Variants in WASF3 observed in about 807,000 individuals in gnomAD.
The protein encoded by WASF3 is actin-binding protein WASF3.
A neutral mutation model predicts 46.6 loss-of-function variants in WASF3; 11 were observed. That is an observed-to-expected ratio of 0.24 (90% confidence interval 0.15 to 0.39). The LOEUF is 0.39. Among genes scored for constraint, WASF3 ranks in the 10% least tolerant of loss-of-function variants. The pLI is 1.00. For synonymous variants in WASF3, 242 were observed against 259.7 expected (o/e 0.93, Z 0.65); for missense variants, 576 against 669.8 (o/e 0.86, Z 1.55).
intron 1 of WASF3, among the ~76,000 whole-genome samples, chr13:26,606,336 GT>G (rs2137211846): frequency 1.3e-5 from 2 of 148,736 alleles, no homozygotes; most frequent in South Asian, 4.3e-4. Flanking sequence ...GTGTGTGTGT[GT>G]GTGTGTGTGT....
intron 1 of WASF3, among the ~76,000 whole-genome samples, chr13:26,583,126 A>G (rs507153): frequency 0.84 from 128,417 of 152,156 alleles, 54,221 homozygotes; most frequent in East Asian, 0.9. Context: ...GATAGCATCT[A>G]TCACTTTTGA....
intron 1 of WASF3, among the ~76,000 whole-genome samples, chr13:26,583,119 A>G (rs1480527157): frequency 6.6e-6 from 1 of 152,208 alleles, no homozygotes; most frequent in African/African-American, 2.4e-5. Context: ...TACTGTGGAT[A>G]GCATCTATCA....
At chr13:26,623,675 A>T (rs1881375500) in intron 2 of WASF3, among the ~76,000 whole-genome samples, 1 of 152,118 alleles carries the variant, frequency 6.6e-6, no homozygotes, top group Non-Finnish European at 1.5e-5. Flanking sequence ...AGAAGGCCCC[A>T]CTCTGAGGTC....
Position 26,565,174 on chromosome 13 carries a change from G to A in WASF3, c.-109+7355G>A, listed in dbSNP as rs181939325. ...CAGCCTGGGCAAAAGAGTGAGACTCGGTCTCAGAAAGAAAAAAAAAAAAAA... is the reference window on the plus strand; with the variant it reads ...CAGCCTGGGCAAAAGAGTGAGACTCAGTCTCAGAAAGAAAAAAAAAAAAAA... On this transcript the variant is annotated intron_variant, in intron 1 of 9. Coordinates refer to ENST00000335327, the MANE Select transcript of WASF3 (RefSeq NM_006646.6). 4.9e-3 allele frequency among the ~76,000 whole-genome samples: 539 copies of A among 109,872 alleles called. 5 individuals carry two copies. The highest frequency in any genetic ancestry group is 0.019 in the African/African-American group (513 of 27,426). 72.1% of individuals were successfully genotyped at this position (109,872 alleles called of 152,430 possible).
chr13:26,609,447 C>T (rs1477469965), intron 1 of WASF3: 1 of 150,942 alleles, frequency 6.6e-6, no homozygotes, highest in African/African-American at 2.4e-5. Flanking sequence ...TCCCCTCCTC[C>T]TCTTCCCCTC....
chr13:26,626,517 A>G (rs573258326), intron 2 of WASF3, among the ~76,000 whole-genome samples: 1 of 152,328 alleles, frequency 6.6e-6, no homozygotes, highest in South Asian at 2.1e-4. Context: ...TGTCAGATGG[A>G]AGGTTTAAAT....
In WASF3 at chr13:26,677,234, A is replaced by G. The variant is rs148542195; in HGVS notation, c.716+510A>G. Among the ~76,000 whole-genome samples, 45 of 152,364 alleles carry G rather than the reference A, an allele frequency of 3.0e-4. No homozygotes were observed. The East Asian group carries it at 8.5e-3, about 29-fold the overall frequency. On this transcript the variant is annotated intron_variant, in intron 7 of 9. Coordinates refer to ENST00000335327, the MANE Select transcript of WASF3 (RefSeq NM_006646.6). ...ACTTATATATTCTGATTTCAGGAGAAGAATTCTATTGGCGTTTACTTAAAA... is the reference window on the plus strand; with the variant it reads ...ACTTATATATTCTGATTTCAGGAGAGGAATTCTATTGGCGTTTACTTAAAA...
chr13:26,581,509 A>G (rs1299089391), intron 1 of WASF3, among the ~76,000 whole-genome samples: 3 of 151,710 alleles, frequency 2.0e-5, no homozygotes, highest in Non-Finnish European at 4.4e-5. Context: ...AGGCATTTTG[A>G]TCTATTTCCC....
intron 1 of WASF3, among the ~76,000 whole-genome samples, chr13:26,596,857 A>G (rs1176214438): frequency 2.0e-5 from 3 of 152,010 alleles, no homozygotes; most frequent in African/African-American, 7.3e-5. Flanking sequence ...ACCTTCTGCT[A>G]TGTCCAGTTT....
chr13:26,666,506 G>A (rs188010094), intron 4 of WASF3, among the ~76,000 whole-genome samples: 38 of 152,150 alleles, frequency 2.5e-4, no homozygotes, highest in African/African-American at 8.9e-4. Context: ...CCACTTTTTT[G>A]CTGGAGTTTT....
At chr13:26,590,622 C>T (rs892822149) in intron 1 of WASF3, among the ~76,000 whole-genome samples, 1 of 152,174 alleles carries the variant, frequency 6.6e-6, no homozygotes, top group African/African-American at 2.4e-5. Flanking sequence ...GAGAAAGGGT[C>T]CAAATCAATA....
In WASF3 at chr13:26,665,134, C is replaced by G. The variant is rs148214556; in HGVS notation, c.240C>G (p.Val80=). 1.7e-5 allele frequency: 27 copies of G among 1,613,946 alleles called. No homozygotes were observed. Among genetic ancestry groups the G allele is most frequent in the Non-Finnish European group, 2.3e-5 (27 of 1,180,000 alleles). Residue 80 remains valine (V), a synonymous_variant, in exon 4 of 10, where the codon GTC becomes GTG. Transcript: ENST00000335327. ...GAATTGATCGCCTTGCTGTCAAAGTCACCCAGCTGGATTCAACAGTGGAAG... is the reference window on the plus strand; with the variant it reads ...GAATTGATCGCCTTGCTGTCAAAGTGACCCAGCTGGATTCAACAGTGGAAG... ...QDRIDRLAVK[V]TQLDSTVEEV... is the part of the protein sequence containing the mutation.
the WASF3 span, among the ~76,000 whole-genome samples, chr13:26,542,639 T>C: frequency 1.3e-5 from 2 of 152,226 alleles, no homozygotes; most frequent in African/African-American, 4.8e-5. Flanking sequence ...GAGAAGTGGT[T>C]AAAGTATTGA....
Position 26,584,825 on chromosome 13 carries a change from G to A in WASF3, c.-109+27006G>A, listed in dbSNP as rs1880083221. On this transcript the variant is annotated intron_variant, in intron 1 of 9. Coordinates refer to ENST00000335327, the MANE Select transcript of WASF3 (RefSeq NM_006646.6). The stretch of plus-strand genomic sequence containing the variant: ...TGGAATTTCTTGCAAAGTCAGTATT[G>A]CCCTATAGATTGACCTTACAGAAAG... Among the ~76,000 whole-genome samples, 3 of 152,154 alleles carry A rather than the reference G, an allele frequency of 2.0e-5. No homozygotes were observed. In the South Asian group the frequency reaches 6.2e-4, roughly 32 times the overall value.
intron 2 of WASF3, among the ~76,000 whole-genome samples, chr13:26,630,630 G>A (rs780626480): frequency 1.3e-5 from 2 of 152,194 alleles, no homozygotes; most frequent in Non-Finnish European, 2.9e-5. Context: ...ACGTGTACAT[G>A]TGTCTTTATA....
intron 1 of WASF3, among the ~76,000 whole-genome samples, chr13:26,578,993 C>CTTTTTTTT (rs200299739): frequency 0.016 from 970 of 60,578 alleles, 133 homozygotes; most frequent in African/African-American, 0.035. Flanking sequence ...GATACATTTC[C>CTTTTTTTT]TTTTTTTTTT....
At chr13:26,624,871 C>T (rs771877470) in intron 2 of WASF3, among the ~76,000 whole-genome samples, 22 of 152,040 alleles carry the variant, frequency 1.4e-4, no homozygotes, top group African/African-American at 3.9e-4. Flanking sequence ...CAAATCCTGT[C>T]GATGCATAAT....
intron 2 of WASF3, among the ~76,000 whole-genome samples, chr13:26,616,849 C>T (rs1000076199): frequency 1.1e-4 from 16 of 152,276 alleles, no homozygotes; most frequent in Admixed American, 7.8e-4. Flanking sequence ...AGTATTGACT[C>T]GTTGTCCCTG....
the WASF3 span, among the ~76,000 whole-genome samples, chr13:26,550,271 T>C: frequency 6.6e-6 from 1 of 152,212 alleles, no homozygotes; most frequent in South Asian, 2.1e-4. Context: ...TTATTTACTG[T>C]TTGTTCAAAT....
Sources: allele counts gnomAD v4.1 joint callset (sites outside exome capture counted in the v4.1 genomes callset), GRCh38; gene constraint gnomAD v4.1.1; transcripts MANE v1.5; gene names NCBI Gene and HGNC (gene_info 2026-07-23, HGNC 2026-07-21).